The following GRIK2 variants were observed in gnomAD, a reference collection of about 807,000 sequenced individuals.
GRIK2 encodes the protein glutamate receptor ionotropic, kainate 2.
GRIK2 carries 32 observed loss-of-function variants against 100.3 expected under a neutral mutation model. The observed-to-expected ratio is 0.32, with a 90% CI of 0.24 to 0.43. The LOEUF (loss-of-function observed/expected upper bound fraction) is 0.43, where lower values mean the gene tolerates loss of function less well. Ranked by LOEUF, GRIK2 falls within the 20% of genes least tolerant of loss-of-function variation. The pLI is 1.00. For missense variants in GRIK2, 843 were observed against 1,114.9 expected (o/e 0.76, Z 3.47); for synonymous variants, 417 against 389.4 (o/e 1.07, Z -0.83).
At chr6:101,957,178 A>G (rs946565908) in intron 14 of GRIK2, among the ~76,000 whole-genome samples, 1 of 151,898 alleles carries the variant, frequency 6.6e-6, no homozygotes, top group Admixed American at 6.6e-5. Context: ...AGGTTTTAAT[A>G]ATAGCCATTC....
intron 2 of GRIK2, among the ~76,000 whole-genome samples, chr6:101,545,881 C>G (rs538553484): frequency 1.8e-4 from 28 of 152,106 alleles, no homozygotes; most frequent in African/African-American, 6.7e-4. Context: ...CTTACTTTAA[C>G]TCCTTTCTCC....
intron 12 of GRIK2, among the ~76,000 whole-genome samples, chr6:101,922,270 C>T (rs924708092): frequency 6.6e-6 from 1 of 152,130 alleles, no homozygotes; most frequent in South Asian, 2.1e-4. Flanking sequence ...CCTACAACCA[C>T]GTCTCATTCC....
intron 2 of GRIK2, among the ~76,000 whole-genome samples, chr6:101,457,029 G>T (rs115494026): frequency 0.016 from 2,361 of 152,170 alleles, 77 homozygotes; most frequent in African/African-American, 0.053. Context: ...TGAATCATTG[G>T]ATTGATTCCT....
At chr6:101,537,982 AT>A (rs1775798244) in intron 2 of GRIK2, among the ~76,000 whole-genome samples, 1 of 151,854 alleles carries the variant, frequency 6.6e-6, no homozygotes, top group Admixed American at 6.6e-5. Flanking sequence ...AATGACTGCA[AT>A]AAAAGCTACA....
chr6:101,593,222 C>T (rs1402311959), intron 2 of GRIK2, among the ~76,000 whole-genome samples: 1 of 151,702 alleles, frequency 6.6e-6, no homozygotes, highest in African/African-American at 2.4e-5. Context: ...AGATAATTTC[C>T]AGTCTGGATA....
intron 2 of GRIK2, among the ~76,000 whole-genome samples, chr6:101,463,751 A>G (rs1054875485): frequency 6.6e-6 from 1 of 152,150 alleles, no homozygotes; most frequent in African/African-American, 2.4e-5. Flanking sequence ...CATTGACACA[A>G]GGCAAAGAGA....
intron 7 of GRIK2, among the ~76,000 whole-genome samples, chr6:101,716,342 A>T (rs183193830): frequency 6.6e-6 from 1 of 151,874 alleles, no homozygotes; most frequent in Admixed American, 6.6e-5. Flanking sequence ...GGCAATAAAT[A>T]AAATCTGGAA....
chr6:101,735,690 G>A (rs559392582), intron 7 of GRIK2, among the ~76,000 whole-genome samples: 5 of 152,202 alleles, frequency 3.3e-5, no homozygotes, highest in African/African-American at 1.2e-4. Context: ...ATAACACATG[G>A]GAATTATGAG....
chr6:101,752,586 A>G (rs369563318), intron 7 of GRIK2, among the ~76,000 whole-genome samples: 29 of 152,226 alleles, frequency 1.9e-4, no homozygotes, highest in Non-Finnish European at 2.6e-4. Context: ...TAGAACTACA[A>G]TAATTTAATC....
chr6:101,936,052 G>A (rs551408566), intron 14 of GRIK2, among the ~76,000 whole-genome samples: 5 of 151,864 alleles, frequency 3.3e-5, no homozygotes, highest in African/African-American at 4.8e-5. Context: ...ACATATTGAA[G>A]TTTATAGATA....
chr6:101,904,097 A>G (rs1222702475), intron 12 of GRIK2, among the ~76,000 whole-genome samples: 2 of 151,172 alleles, frequency 1.3e-5, no homozygotes, highest in Non-Finnish European at 3.0e-5. Context: ...TATTATCTCT[A>G]ATTTTATGTT....
chr6:101,701,706 A>G (rs545377302), intron 7 of GRIK2, among the ~76,000 whole-genome samples: 6 of 152,228 alleles, frequency 3.9e-5, no homozygotes, highest in African/African-American at 1.4e-4. Context: ...AATTTGAAAC[A>G]ATCAAAATCT....
chr6:101,568,986 G>A (rs778042844), intron 2 of GRIK2, among the ~76,000 whole-genome samples: 25 of 152,094 alleles, frequency 1.6e-4, no homozygotes, highest in Middle Eastern at 3.4e-3. Flanking sequence ...GCTGGAGTAG[G>A]AGGCAATTAC....
chr6:101,655,371 G>T (rs1428551921), intron 4 of GRIK2, among the ~76,000 whole-genome samples: 1 of 151,938 alleles, frequency 6.6e-6, no homozygotes, highest in Non-Finnish European at 1.5e-5. Context: ...GACAGATTTG[G>T]CAAAAAGAAA....
intron 12 of GRIK2, among the ~76,000 whole-genome samples, chr6:101,912,428 C>T (rs1043717485): frequency 5.3e-5 from 8 of 151,486 alleles, no homozygotes; most frequent in Admixed American, 2.6e-4. Context: ...TTAGTATTTA[C>T]GTGCAGCTCC....
intron 14 of GRIK2, among the ~76,000 whole-genome samples, chr6:102,029,920 T>C (rs995629749): frequency 1.3e-5 from 2 of 151,264 alleles, no homozygotes; most frequent in Admixed American, 1.3e-4. Context: ...ATCTTATCTG[T>C]ATCTACATAC....
At chr6:101,665,835 C>G (rs1769990541) in intron 4 of GRIK2, among the ~76,000 whole-genome samples, 1 of 152,092 alleles carries the variant, frequency 6.6e-6, no homozygotes, top group African/African-American at 2.4e-5. Context: ...AAGGTGACAC[C>G]TCTATTTTTT....
rs142058824 is a variant in GRIK2 at position 101,521,047 on chromosome 6, C to A, written c.116-100902C>A. On this transcript the variant is annotated intron_variant, in intron 2 of 16. Coordinates refer to ENST00000369134, the MANE Select transcript of GRIK2 (RefSeq NM_021956.5). Reference sequence around the variant, plus strand: ...GCAAATGTGTAATATTTGACCATGCCAGTTTTTCGTTATTTACCTAATTAT... The same window carrying A: ...GCAAATGTGTAATATTTGACCATGCAAGTTTTTCGTTATTTACCTAATTAT... Among the ~76,000 whole-genome samples, 304 of 152,020 alleles carry A rather than the reference C, an allele frequency of 2.0e-3. 2 individuals carry two copies. The highest frequency in any genetic ancestry group is 7.2e-3 in the African/African-American group (299 of 41,494).
At chr6:101,845,882 G>C (rs948485418) in intron 10 of GRIK2, among the ~76,000 whole-genome samples, 9 of 152,122 alleles carry the variant, frequency 5.9e-5, no homozygotes, top group Admixed American at 4.6e-4. Flanking sequence ...ATCTTACTGC[G>C]GTTTAGATTT....
Sources: allele counts gnomAD v4.1 joint callset (sites outside exome capture counted in the v4.1 genomes callset), GRCh38; gene constraint gnomAD v4.1.1; transcripts MANE v1.5; gene names NCBI Gene and HGNC (gene_info 2026-07-23, HGNC 2026-07-21).